CNTNAP2: variants seen among roughly 807,000 people sequenced by gnomAD.
CNTNAP2 encodes the protein contactin associated protein 2.
A neutral mutation model predicts 155.2 loss-of-function variants in CNTNAP2; 98 were observed. The ratio of observed to expected loss-of-function variants is 0.63; its 90% confidence interval spans 0.54 to 0.75. CNTNAP2 has a LOEUF of 0.75. CNTNAP2 is among the 30% of genes least tolerant of loss of function. CNTNAP2 has a pLI of 0.00. For synonymous variants in CNTNAP2, 651 were observed against 631.2 expected, an observed-to-expected ratio of 1.03 and a Z score of -0.47; for missense variants, 1,727 against 1,688.1, an observed-to-expected ratio of 1.02 and a Z score of -0.40.
At chr7:147,644,245 A>T (rs1045811994) in intron 13 of CNTNAP2, among the ~76,000 whole-genome samples, 7 of 152,200 alleles carry the variant, frequency 4.6e-5, no homozygotes, top group Admixed American at 4.6e-4. Context: ...ATATCCCCGG[A>T]TTTGTAAATG....
At chr7:146,952,418 G>A (rs1482729751) in intron 3 of CNTNAP2, among the ~76,000 whole-genome samples, 4 of 152,110 alleles carry the variant, frequency 2.6e-5, no homozygotes, top group African/African-American at 9.7e-5. Flanking sequence ...AGTATTGGAA[G>A]TTCTGGCCAG....
At chr7:147,001,949 A>T (rs183847379) in intron 3 of CNTNAP2, among the ~76,000 whole-genome samples, 1 of 152,120 alleles carries the variant, frequency 6.6e-6, no homozygotes, top group African/African-American at 2.4e-5. Context: ...TAAAAATAAG[A>T]CATGGTAAAT....
chr7:146,234,661 A>T (rs1357033621), intron 1 of CNTNAP2, among the ~76,000 whole-genome samples: 1 of 152,092 alleles, frequency 6.6e-6, no homozygotes, highest in African/African-American at 2.4e-5. Context: ...GAAGGGATCC[A>T]GTTTCAGCTT....
At chr7:146,447,785 G>A (rs958315952) in intron 1 of CNTNAP2, among the ~76,000 whole-genome samples, 8 of 151,892 alleles carry the variant, frequency 5.3e-5, no homozygotes, top group South Asian at 4.1e-4. Flanking sequence ...AAAATGGTTC[G>A]TGTATGATAA....
chr7:146,519,410 A>G (rs1426638106), intron 1 of CNTNAP2, among the ~76,000 whole-genome samples: 1 of 151,852 alleles, frequency 6.6e-6, no homozygotes, highest in East Asian at 1.9e-4. Flanking sequence ...CTTTGGTTCT[A>G]CATTTCAAAG....
chr7:146,450,212 A>G (rs1458070196), intron 1 of CNTNAP2, among the ~76,000 whole-genome samples: 8 of 152,186 alleles, frequency 5.3e-5, no homozygotes, highest in Admixed American at 3.9e-4. Flanking sequence ...CCAATATTGC[A>G]TTTTAAAGAA....
chr7:146,268,513 C>T (rs1177555301), intron 1 of CNTNAP2, among the ~76,000 whole-genome samples: 2 of 152,154 alleles, frequency 1.3e-5, no homozygotes, highest in Admixed American at 1.3e-4. Flanking sequence ...ACTCCATCTC[C>T]CCTCTGGCTG....
chr7:147,430,476 A>C (rs918957897), intron 10 of CNTNAP2, among the ~76,000 whole-genome samples: 1 of 152,188 alleles, frequency 6.6e-6, no homozygotes, highest in African/African-American at 2.4e-5. Flanking sequence ...ACATGTGCAT[A>C]TATCTTTTGC....
chr7:148,364,201 G>A (rs993460884), intron 21 of CNTNAP2, among the ~76,000 whole-genome samples: 4 of 152,228 alleles, frequency 2.6e-5, no homozygotes, highest in Admixed American at 6.5e-5. Flanking sequence ...GTGAGCGCAC[G>A]GTGCAGGACT....
rs181477080 is a variant in CNTNAP2 at position 147,120,625 on chromosome 7, C to A, written c.755-354C>A. 1.0e-3 allele frequency among the ~76,000 whole-genome samples: 156 copies of A among 151,122 alleles called. 1 individual carries two copies. The highest frequency in any genetic ancestry group is 2.3e-3 in the South Asian group (11 of 4,768). On this transcript the variant is annotated intron_variant, in intron 5 of 23. Coordinates refer to ENST00000361727, the MANE Select transcript of CNTNAP2 (RefSeq NM_014141.6). ...TTATTTTATTTATTTATTTATTTTT[C>A]TTTTTTTTCATTTATTATTATTATA...
At chr7:146,666,142 C>T (rs1800190734) in intron 1 of CNTNAP2, among the ~76,000 whole-genome samples, 4 of 152,106 alleles carry the variant, frequency 2.6e-5, no homozygotes, top group Admixed American at 2.6e-4. Flanking sequence ...CTCCCTCTCT[C>T]TCCCTGTTCC....
At chr7:148,337,453 G>A (rs1173759097) in intron 21 of CNTNAP2, among the ~76,000 whole-genome samples, 3 of 152,128 alleles carry the variant, frequency 2.0e-5, no homozygotes, top group Non-Finnish European at 4.4e-5. Context: ...GACAGCCCTG[G>A]ATCTAGCGAG....
chr7:147,528,771 T>G (rs1344769410), intron 11 of CNTNAP2, among the ~76,000 whole-genome samples: 1 of 152,172 alleles, frequency 6.6e-6, no homozygotes, highest in East Asian at 1.9e-4. Flanking sequence ...GCCCAGGAGT[T>G]GATTCTATAT....
chr7:147,420,522 A>G (rs1797272933), intron 10 of CNTNAP2, among the ~76,000 whole-genome samples: 1 of 152,186 alleles, frequency 6.6e-6, no homozygotes, highest in Admixed American at 6.5e-5. Context: ...GGTCAGAAAA[A>G]GTGCCATGGT....
chr7:147,098,655 A>G (rs1376210336), intron 4 of CNTNAP2, among the ~76,000 whole-genome samples: 5 of 152,098 alleles, frequency 3.3e-5, no homozygotes, highest in Non-Finnish European at 2.9e-5. Flanking sequence ...CTGATTTTTC[A>G]CTTCTTTTCT....
At chr7:147,800,242 G>C (rs1797963089) in intron 13 of CNTNAP2, among the ~76,000 whole-genome samples, 1 of 152,036 alleles carries the variant, frequency 6.6e-6, no homozygotes. Context: ...CTTCATCGTT[G>C]AGGGAAGATT....
At chr7:148,370,782 T>C (rs1798873375) in intron 21 of CNTNAP2, among the ~76,000 whole-genome samples, 1 of 152,158 alleles carries the variant, frequency 6.6e-6, no homozygotes, top group African/African-American at 2.4e-5. Context: ...GCTTTCAGTA[T>C]AAGATCCAGT....
chr7:148,315,346 T>C (rs538307776), intron 21 of CNTNAP2, among the ~76,000 whole-genome samples: 4 of 151,712 alleles, frequency 2.6e-5, no homozygotes, highest in African/African-American at 9.7e-5. Context: ...TTATAAGATT[T>C]GGGTAGGTAA....
chr7:147,942,527 A>G (rs570484522), intron 14 of CNTNAP2, among the ~76,000 whole-genome samples: 1 of 152,330 alleles, frequency 6.6e-6, no homozygotes, highest in South Asian at 2.1e-4. Context: ...ATTCCAGTCA[A>G]CTACTCTAGA....
Sources: allele counts gnomAD v4.1 joint callset (sites outside exome capture counted in the v4.1 genomes callset), GRCh38; gene constraint gnomAD v4.1.1; transcripts MANE v1.5; gene names NCBI Gene and HGNC (gene_info 2026-07-23, HGNC 2026-07-21).